The following TMED3 variants were observed in gnomAD, a reference collection of about 807,000 sequenced individuals.
TMED3 encodes transmembrane p24 trafficking protein 3, also known as transmembrane emp24 domain-containing protein 3.
In TMED3, 9 loss-of-function variants were observed where a neutral mutation model predicts 15.0. The observed-to-expected ratio is 0.60, with a 90% CI of 0.36 to 1.04. The LOEUF (loss-of-function observed/expected upper bound fraction) is 1.04. Among genes scored for constraint, TMED3 ranks in the 50% least tolerant of loss-of-function variants. TMED3 has a pLI of 0.01. For synonymous variants in TMED3, 117 were observed against 121.4 expected (o/e 0.96, Z 0.24); for missense variants, 267 against 278.9 (o/e 0.96, Z 0.30).
intron 2 of TMED3, among the ~76,000 whole-genome samples, chr15:79,330,497 A>C (rs757238772): frequency 1.3e-5 from 2 of 152,200 alleles, no homozygotes; most frequent in Non-Finnish European, 2.9e-5. Flanking sequence ...AAATCTCTAC[A>C]AGGAAAACTG....
chr15:79,378,463 C>T (rs1893467052), intron 2 of TMED3, among the ~76,000 whole-genome samples: 1 of 152,206 alleles, frequency 6.6e-6, no homozygotes, highest in Non-Finnish European at 1.5e-5. Context: ...GCCTTGTCAT[C>T]TTAGCAGAAT....
At chr15:79,395,900 A>T (rs1005723094) in intron 2 of TMED3, among the ~76,000 whole-genome samples, 6 of 152,330 alleles carry the variant, frequency 3.9e-5, no homozygotes, top group South Asian at 2.1e-4. Flanking sequence ...GGATACTTTG[A>T]CTATATCACT....
intron 2 of TMED3, among the ~76,000 whole-genome samples, chr15:79,337,106 T>C (rs1361909663): frequency 6.6e-6 from 1 of 152,208 alleles, no homozygotes; most frequent in East Asian, 1.9e-4. Context: ...CCGCTGGGGC[T>C]GCCATAACAA....
intron 2 of TMED3, chr15:79,382,930 A>C: frequency 6.5e-7 from 1 of 1,531,728 alleles, no homozygotes; most frequent in South Asian, 1.2e-5. Flanking sequence ...GACAAAGTCA[A>C]TTACAAGGGC....
intron 2 of TMED3, among the ~76,000 whole-genome samples, chr15:79,331,242 G>A (rs1226860690): frequency 6.6e-6 from 1 of 152,054 alleles, no homozygotes; most frequent in Non-Finnish European, 1.5e-5. Context: ...GATTTGGTGG[G>A]GACATAAACC....
chr15:79,398,500 C>T (rs1893791719), intron 2 of TMED3, among the ~76,000 whole-genome samples: 1 of 152,058 alleles, frequency 6.6e-6, no homozygotes, highest in Admixed American at 6.6e-5. Context: ...GGCCTTAGAG[C>T]CAGAGAGACC....
At chr15:79,375,544 G>T (rs531584986) in intron 2 of TMED3, among the ~76,000 whole-genome samples, 6 of 152,196 alleles carry the variant, frequency 3.9e-5, no homozygotes, top group African/African-American at 1.4e-4. Flanking sequence ...TCCACTTCTG[G>T]GGAGGCCTCA....
chr15:79,413,657 T>C (rs1894026039), exon 3 of TMED3: 1 of 152,210 alleles, frequency 6.6e-6, no homozygotes, highest in Non-Finnish European at 1.5e-5. Flanking sequence ...GGAATGAGCA[T>C]GGGAATAAAC....
intron 2 of TMED3, among the ~76,000 whole-genome samples, chr15:79,353,017 A>G (rs2058898742): frequency 9.2e-6 from 1 of 108,758 alleles, no homozygotes; most frequent in South Asian, 2.4e-4. Context: ...TATATTATAT[A>G]AAATATATAT....
rs77582536 is a variant in TMED3 at position 79,378,279 on chromosome 15, C to T, written c.418-33121C>T. Among the ~76,000 whole-genome samples the T allele has an allele frequency of 6.6e-5, 10 of 152,272 alleles. No individual in the cohort carries two copies. The East Asian group carries it at 1.2e-3, about 18-fold the overall frequency. On this transcript the variant is annotated intron_variant, in intron 2 of 2. Transcript: ENST00000424155. The stretch of plus-strand genomic sequence containing the variant: ...TCATTATTGAGTATTGTGTTATTTA[C>T]GGTAGGGATGGCTGTTTAAACAAAT...
chr15:79,403,261 A>G (rs11072844), intron 2 of TMED3, among the ~76,000 whole-genome samples: 52,515 of 142,614 alleles, frequency 0.37, 10,404 homozygotes, highest in Middle Eastern at 0.52. Context: ...ACTTGATTTG[A>G]TACAGGAGGG....
chr15:79,383,348 A>G (rs1400280718), intron 2 of TMED3: 1 of 267,848 alleles, frequency 3.7e-6, no homozygotes. Flanking sequence ...ATTGAGTAGA[A>G]GCTCTGAAAG....
chr15:79,401,562 A>G (rs1199991399), intron 2 of TMED3, among the ~76,000 whole-genome samples: 1 of 152,026 alleles, frequency 6.6e-6, no homozygotes, highest in Non-Finnish European at 1.5e-5. Flanking sequence ...ACATCCTGCA[A>G]TGAACAGCAC....
At chr15:79,369,136 C>A (rs1893291732) in intron 2 of TMED3, among the ~76,000 whole-genome samples, 1 of 151,736 alleles carries the variant, frequency 6.6e-6, no homozygotes, top group Non-Finnish European at 1.5e-5. Context: ...CCTTTTACCT[C>A]TTCTTCACCA....
intron 2 of TMED3, among the ~76,000 whole-genome samples, chr15:79,321,546 C>T (rs2058766775): frequency 6.6e-6 from 1 of 152,208 alleles, no homozygotes. Flanking sequence ...CAACTGTGGT[C>T]TAGTTCACAC....
chr15:79,388,503 A>G (rs1893656508), intron 2 of TMED3, among the ~76,000 whole-genome samples: 1 of 151,772 alleles, frequency 6.6e-6, no homozygotes, highest in Non-Finnish European at 1.5e-5. Flanking sequence ...TCGTTGATTG[A>G]TGGGCATTTG....
intron 2 of TMED3, among the ~76,000 whole-genome samples, chr15:79,366,465 C>A (rs777899777): frequency 1.3e-5 from 2 of 152,240 alleles, no homozygotes; most frequent in Non-Finnish European, 2.9e-5. Context: ...CTATAGAGAA[C>A]CAAACATCTC....
intron 2 of TMED3, among the ~76,000 whole-genome samples, chr15:79,328,964 A>T (rs545691706): frequency 3.3e-5 from 5 of 152,196 alleles, no homozygotes; most frequent in Non-Finnish European, 7.4e-5. Context: ...TGTTGGCCCT[A>T]TGGGACAATA....
chr15:79,385,860 C>A (rs867132045), intron 2 of TMED3, among the ~76,000 whole-genome samples: 13 of 152,174 alleles, frequency 8.5e-5, no homozygotes, highest in African/African-American at 3.1e-4. Flanking sequence ...CAGCCGCAGC[C>A]AGTGTGATAG....
Sources: allele counts gnomAD v4.1 joint callset (sites outside exome capture counted in the v4.1 genomes callset), GRCh38; gene constraint gnomAD v4.1.1; transcripts MANE v1.5; gene names NCBI Gene and HGNC (gene_info 2026-07-23, HGNC 2026-07-21).